Variants in PTPRQ observed in about 807,000 individuals in gnomAD.
PTPRQ encodes the protein protein tyrosine phosphatase receptor type Q.
In PTPRQ, 199 loss-of-function variants were observed where a neutral mutation model predicts 246.0. The ratio of observed to expected loss-of-function variants is 0.81; its 90% CI spans 0.72 to 0.91. The LOEUF is 0.91. Among genes scored for constraint, PTPRQ ranks in the 40% least tolerant of loss-of-function variants. The pLI, the probability that PTPRQ is intolerant of heterozygous loss-of-function variation, is 0.00. For synonymous variants in PTPRQ, 869 were observed against 853.2 expected, an observed-to-expected ratio of 1.02 and a Z score of -0.32; for missense variants, 2,624 against 2,528.4, an observed-to-expected ratio of 1.04 and a Z score of -0.81.
At chr12:80,543,046 C>T (rs983408661) in intron 23 of PTPRQ, among the ~76,000 whole-genome samples, 165 bp downstream of exon 23, 27 of 151,996 alleles carry the variant, frequency 1.8e-4, no homozygotes, top group Admixed American at 4.6e-4. Context: ...CACAAGCAAG[C>T]GTTTGACAGA....
At chr12:80,553,912 G>A (rs1481421743) in intron 25 of PTPRQ, among the ~76,000 whole-genome samples, 2 of 152,114 alleles carry the variant, frequency 1.3e-5, no homozygotes, top group Admixed American at 6.6e-5. Flanking sequence ...TTAGCATAAC[G>A]TGGATGGAAC....
chr12:80,583,821 G>T (rs914027955), intron 25 of PTPRQ: 1 of 152,082 alleles, frequency 6.6e-6, no homozygotes, highest in East Asian at 1.9e-4. Context: ...TGTAACTCAG[G>T]GTCCTCTTTC....
intron 25 of PTPRQ, among the ~76,000 whole-genome samples, chr12:80,562,649 A>G (rs564560947): frequency 6.6e-6 from 1 of 152,288 alleles, no homozygotes; most frequent in East Asian, 1.9e-4. Context: ...AGAAATTTGT[A>G]GCACTAAGTG....
rs914901358 is a variant in PTPRQ, at chr12:80,496,529, C to T, written c.2270C>T (p.Thr757Ile). The T allele has an allele frequency of 2.5e-5, 37 of 1,479,958 alleles. No individual in the cohort carries two copies. Among genetic ancestry groups the T allele is most frequent in the African/African-American group, 6.9e-5 (4 of 57,692 alleles). 91.7% of individuals were successfully genotyped at this position (1,479,958 alleles called of 1,614,324 possible). The change falls in exon 14 of 45, where the codon ACT (threonine) becomes ATT (isoleucine). Residue 757 changes from threonine to isoleucine, a missense_variant and splice_region_variant. Transcript: ENST00000644991. ...SSLLSVRTSETVPDSAPENIT... is the reference protein window; with the variant it reads ...SSLLSVRTSEIVPDSAPENIT... ...TTACTCTCTGTAAGGACTTCGGAGACTGGTGAGCTTTTGTTTTCTTTGTTT... is the reference window on the plus strand; with the variant it reads ...TTACTCTCTGTAAGGACTTCGGAGATTGGTGAGCTTTTGTTTTCTTTGTTT...
Position 80,640,025 on chromosome 12 carries a change from C to CGTGTGTGT in PTPRQ, c.5915+4985_5915+4992dup, listed in dbSNP as rs149812346. 7.3e-3 allele frequency among the ~76,000 whole-genome samples: 1,038 copies of CGTGTGTGT among 142,994 alleles called. 14 individuals carry two copies. The highest frequency in any genetic ancestry group is 0.032 in the Admixed American group (455 of 14,176). The allele number at this position is 142,994 out of a possible 152,430, so 93.8% of individuals were successfully genotyped here. A position where few individuals can be genotyped will look rare whatever the true frequency, so the allele number is the denominator to read the frequency against. On this transcript the variant is annotated intron_variant, in intron 35 of 44. Coordinates refer to ENST00000644991, the MANE Select transcript of PTPRQ (RefSeq NM_001145026.2). ...TCTTTCTCTGAGGTATGAAGATACA[C>CGTGTGTGT]GTGTGTGTGTGTGTGTGTGTGTGTG...
chr12:80,450,958 A>T (rs889071726), intron 3 of PTPRQ, among the ~76,000 whole-genome samples: 11 of 152,250 alleles, frequency 7.2e-5, no homozygotes, highest in African/African-American at 2.7e-4. Flanking sequence ...GAATAGTACC[A>T]GTTCCTCCTT....
At chr12:80,644,741 A>AT (rs1284503675) in intron 35 of PTPRQ, among the ~76,000 whole-genome samples, 1 of 152,028 alleles carries the variant, frequency 6.6e-6, no homozygotes, top group African/African-American at 2.4e-5. Context: ...AGTCAAATTA[A>AT]TTTTTTTGTA....
intron 26 of PTPRQ, among the ~76,000 whole-genome samples, chr12:80,589,559 T>C (rs1897724278): frequency 6.6e-6 from 1 of 152,232 alleles, no homozygotes; most frequent in Non-Finnish European, 1.5e-5. Flanking sequence ...TTATAGATAG[T>C]GAAATACACT....
At chr12:80,636,660 A>G (rs1847500489) in intron 35 of PTPRQ, among the ~76,000 whole-genome samples, 1 of 152,220 alleles carries the variant, frequency 6.6e-6, no homozygotes, top group African/African-American at 2.4e-5. Flanking sequence ...TGTTCATACT[A>G]AAATGTAAAC....
chr12:80,535,434 T>G (rs112482941), intron 19 of PTPRQ, among the ~76,000 whole-genome samples: 1 of 152,306 alleles, frequency 6.6e-6, no homozygotes, highest in South Asian at 2.1e-4. Flanking sequence ...GTATATGATA[T>G]AAATAGTTCT....
intron 23 of PTPRQ, among the ~76,000 whole-genome samples, chr12:80,545,295 A>G (rs960538908): frequency 6.6e-6 from 1 of 152,164 alleles, no homozygotes; most frequent in African/African-American, 2.4e-5. Flanking sequence ...GAATGACTGA[A>G]ATAAAGAGAT....
intron 17 of PTPRQ, 45 bp from the exon 18 acceptor site, chr12:80,533,970 A>G (rs1020107429): frequency 1.2e-5 from 16 of 1,364,008 alleles, no homozygotes; most frequent in African/African-American, 1.5e-5. Flanking sequence ...AAGTATTGTT[A>G]ACTTTTAAAA....
At chr12:80,453,053 C>G (rs200790409) in intron 3 of PTPRQ, among the ~76,000 whole-genome samples, 25 of 152,176 alleles carry the variant, frequency 1.6e-4, no homozygotes, top group East Asian at 3.9e-4. Flanking sequence ...TTCTTGGAGG[C>G]TTTGTTCATT....
In PTPRQ at chr12:80,445,581, G is replaced by A. The variant is rs888732444; in HGVS notation, c.254G>A (p.Arg85Lys). The A allele has an allele frequency of 1.3e-6, 2 of 1,549,386 alleles. No individual in the cohort carries two copies. Among genetic ancestry groups the A allele is most frequent in the African/African-American group, 1.4e-5 (1 of 72,884 alleles). The change falls in exon 3 of 45, where the codon AGG becomes AAG. Residue 85 changes from arginine to lysine, a missense_variant. Coordinates refer to ENST00000644991, the MANE Select transcript of PTPRQ (RefSeq NM_001145026.2). ...SWNTPPNPNG[R>K]IISYIVKYKE... ...AATACACCACCTAATCCAAATGGAA[G>A]GATTATATCTTACATTGTCAAATAT...
chr12:80,620,095 T>C, intron 31 of PTPRQ, 59 bp from the exon 32 acceptor site: 1 of 1,476,488 alleles, frequency 6.8e-7, no homozygotes, highest in Non-Finnish European at 9.0e-7. Flanking sequence ...CTATTTATAA[T>C]TGTAAAAATA....
intron 23 of PTPRQ, among the ~76,000 whole-genome samples, chr12:80,543,749 T>C (rs567819603): frequency 6.6e-6 from 1 of 152,206 alleles, no homozygotes; most frequent in Non-Finnish European, 1.5e-5. Context: ...ATGACTTTCT[T>C]TCTGGAAACC....
rs1161227288 is a variant in PTPRQ, at chr12:80,642,726, C to A, written c.5916-6171C>A. Reference sequence around the variant, plus strand: ...ACGAGGTCAGGAGATCGAGACCATCCCGGCTAAAACGGTGAAACCCCGTCT... The same window carrying A: ...ACGAGGTCAGGAGATCGAGACCATCACGGCTAAAACGGTGAAACCCCGTCT... On this transcript the variant is annotated intron_variant, in intron 35 of 44. Coordinates refer to ENST00000644991, the MANE Select transcript of PTPRQ (RefSeq NM_001145026.2). 2.0e-5 allele frequency among the ~76,000 whole-genome samples: 3 copies of A among 150,856 alleles called. No individual in the cohort carries two copies. The South Asian group carries it at 6.3e-4, about 32-fold the overall frequency.
intron 23 of PTPRQ, among the ~76,000 whole-genome samples, chr12:80,545,651 T>C (rs1456150218): frequency 1.3e-5 from 2 of 151,546 alleles, no homozygotes; most frequent in Admixed American, 1.3e-4. Flanking sequence ...CCTTTTCTCA[T>C]ATCTCTAAAA....
chr12:80,662,796 T>C (rs571708056), intron 39 of PTPRQ, among the ~76,000 whole-genome samples: 4 of 151,982 alleles, frequency 2.6e-5, no homozygotes, highest in Non-Finnish European at 4.4e-5. Context: ...CTTTGTTCCA[T>C]GTATCACAGA....
Sources: gnomAD v4.1 joint callset for allele counts (sites outside exome capture counted in the v4.1 genomes callset) on GRCh38, gnomAD v4.1.1 for gene constraint, MANE v1.5 for transcripts, NCBI Gene and HGNC (gene_info 2026-07-23, HGNC 2026-07-21) for gene names.